TTC27: variants seen among roughly 807,000 people sequenced by gnomAD.
TTC27 encodes tetratricopeptide repeat protein 27.
In TTC27, 79 loss-of-function variants were observed where a neutral mutation model predicts 115.9. The observed-to-expected ratio is 0.68, with a 90% CI of 0.57 to 0.82. TTC27 has a LOEUF of 0.82. TTC27 is among the 40% of genes least tolerant of loss of function. The pLI, the probability that TTC27 is intolerant of heterozygous loss-of-function variation, is 0.00. For missense variants in TTC27, 1,054 were observed against 993.1 expected (o/e 1.06, Z -0.82); for synonymous variants, 401 against 356.0 (o/e 1.13, Z -1.42).
chr2:32,706,860 G>A (rs1667389444), intron 10 of TTC27, among the ~76,000 whole-genome samples: 1 of 152,172 alleles, frequency 6.6e-6, no homozygotes, highest in African/African-American at 2.4e-5. Context: ...ACTGCGCCTG[G>A]CCCCCTTCTT....
intron 15 of TTC27, among the ~76,000 whole-genome samples, chr2:32,783,783 A>G (rs1012219437): frequency 6.6e-6 from 1 of 152,272 alleles, no homozygotes; most frequent in Non-Finnish European, 1.5e-5. Context: ...CTGGCTATGA[A>G]AAGCGAAGGA....
intron 5 of TTC27, among the ~76,000 whole-genome samples, chr2:32,662,433 C>T (rs1266274001): frequency 1.3e-5 from 2 of 152,140 alleles, no homozygotes; most frequent in South Asian, 2.1e-4. Context: ...TAAATTACTG[C>T]CTCAATTTCA....
intron 13 of TTC27, among the ~76,000 whole-genome samples, chr2:32,773,842 T>C (rs1050119143): frequency 1.3e-5 from 2 of 152,212 alleles, no homozygotes; most frequent in Non-Finnish European, 2.9e-5. Context: ...TAGTTTTTTA[T>C]TGGAGAAAGA....
intron 3 of TTC27, among the ~76,000 whole-genome samples, chr2:32,635,828 CTT>C (rs1311106515): frequency 6.6e-6 from 1 of 152,114 alleles, no homozygotes; most frequent in African/African-American, 2.4e-5. Context: ...ATAATTAACT[CTT>C]TGCATATCAG....
At chr2:32,681,348 C>T (rs1202239961) in intron 9 of TTC27, among the ~76,000 whole-genome samples, 2 of 152,048 alleles carry the variant, frequency 1.3e-5, no homozygotes. Context: ...ACTTGTCAGC[C>T]CTTGTCAGCT....
rs554240996 is a variant in TTC27 at position 32,760,550 on chromosome 2, T to G, written c.1680+2031T>G. On this transcript the variant is annotated intron_variant, in intron 13 of 19. Transcript: ENST00000317907. The stretch of plus-strand genomic sequence containing the variant: ...CACTAGTGCCATGGTTGAGAAACCC[T>G]CCTCTAACTTGATTATCACTCTATT... 2.3e-3 allele frequency among the ~76,000 whole-genome samples: 353 copies of G among 152,284 alleles called. 2 individuals carry two copies. Among genetic ancestry groups the G allele is most frequent in the African/African-American group, 8.3e-3 (343 of 41,560 alleles).
In TTC27 at chr2:32,666,847, T is replaced by C; in HGVS notation, c.939+79T>C. ...CAATAGCTGAGTACCATAGAAACAC[T>C]GAATGGGTTGGGGACAGACTTCATT... On this transcript the variant is annotated intron_variant, in intron 7 of 19. Coordinates refer to ENST00000317907, the MANE Select transcript of TTC27 (RefSeq NM_017735.5). 2.7e-6 allele frequency: 4 copies of C among 1,502,038 alleles called. No individual in the cohort carries two copies. In the East Asian group the frequency reaches 9.2e-5, roughly 35 times the overall value. 93.0% of individuals were successfully genotyped at this position (1,502,038 alleles called of 1,614,324 possible).
intron 10 of TTC27, among the ~76,000 whole-genome samples, chr2:32,707,461 A>G (rs865797660): frequency 6.6e-6 from 1 of 152,160 alleles, no homozygotes; most frequent in Admixed American, 6.5e-5. Context: ...CCAACACATG[A>G]GCTTTTAGAG....
At chr2:32,731,264 T>C (rs1034539531) in intron 10 of TTC27, among the ~76,000 whole-genome samples, 1 of 152,000 alleles carries the variant, frequency 6.6e-6, no homozygotes, top group Non-Finnish European at 1.5e-5. Flanking sequence ...AATTTTTGTA[T>C]TTTTAGTAGA....
chr2:32,630,641 C>T lies in TTC27; in HGVS notation c.207C>T (p.Tyr69=), dbSNP rs1342943453. ...TTTAEEKIDS[Y]LEKQVVTFLD... ...CCGCTGAAGAAAAGATTGATAGCTA[C>T]CTGGAGAAGCAGGTAGTAACATTCC... The change falls in exon 2 of 20, where the codon TAC becomes TAT. Residue 69 remains tyrosine (Y), a synonymous_variant. Transcript: ENST00000317907. The T allele has an allele frequency of 1.2e-6, 2 of 1,613,740 alleles. No homozygotes were observed. The highest frequency in any genetic ancestry group is 1.7e-6 in the Non-Finnish European group (2 of 1,179,892).
At chr2:32,788,467 A>G (rs1572614489) in intron 16 of TTC27, among the ~76,000 whole-genome samples, 3 of 152,088 alleles carry the variant, frequency 2.0e-5, no homozygotes, top group East Asian at 1.9e-4. Context: ...CTGCTTTTCT[A>G]TCCTCTTGGT....
chr2:32,718,341 T>C (rs970172501), intron 10 of TTC27, among the ~76,000 whole-genome samples: 1 of 152,204 alleles, frequency 6.6e-6, no homozygotes, highest in African/African-American at 2.4e-5. Flanking sequence ...CCTGTATTAC[T>C]AATTTTGACC....
intron 3 of TTC27, among the ~76,000 whole-genome samples, chr2:32,638,674 G>C (rs542395447): frequency 6.6e-6 from 1 of 152,126 alleles, no homozygotes; most frequent in Non-Finnish European, 1.5e-5. Context: ...CACTGTGCCC[G>C]GCCCTCCTTC....
chr2:32,643,508 A>G (rs1025445004), intron 4 of TTC27, among the ~76,000 whole-genome samples: 6 of 151,708 alleles, frequency 4.0e-5, no homozygotes. Context: ...GGATTTTACT[A>G]TGTTGGCCAA....
At chr2:32,700,400 T>A (rs1200135426) in intron 9 of TTC27, among the ~76,000 whole-genome samples, 1 of 152,104 alleles carries the variant, frequency 6.6e-6, no homozygotes, top group African/African-American at 2.4e-5. Context: ...CTCAGTACTC[T>A]TCCATTTTGT....
chr2:32,688,700 CACA>C (rs570978918), intron 9 of TTC27, among the ~76,000 whole-genome samples: 184 of 152,074 alleles, frequency 1.2e-3, no homozygotes, highest in African/African-American at 4.1e-3. Context: ...AAATTAAAAC[CACA>C]ACAAGATACC....
At chr2:32,661,699 A>C (rs1572487933) in intron 5 of TTC27, among the ~76,000 whole-genome samples, 1 of 152,106 alleles carries the variant, frequency 6.6e-6, no homozygotes, top group African/African-American at 2.4e-5. Flanking sequence ...AATATACGAT[A>C]ATGTCATGTG....
intron 16 of TTC27, among the ~76,000 whole-genome samples, chr2:32,803,554 G>A (rs1055205669): frequency 6.6e-6 from 1 of 152,254 alleles, no homozygotes; most frequent in East Asian, 1.9e-4. Context: ...TTTCTCACAT[G>A]TTTTACTGTA....
chr2:32,754,188 G>C (rs987239939), intron 12 of TTC27, among the ~76,000 whole-genome samples: 1 of 145,500 alleles, frequency 6.9e-6, no homozygotes, highest in African/African-American at 2.6e-5. Flanking sequence ...GGTGTTTCTC[G>C]CAGAGGGGGA....
Sources: allele counts gnomAD v4.1 joint callset (sites outside exome capture counted in the v4.1 genomes callset), GRCh38; gene constraint gnomAD v4.1.1; transcripts MANE v1.5; gene names NCBI Gene and HGNC (gene_info 2026-07-23, HGNC 2026-07-21).